L3MBTL4: variants seen among roughly 807,000 people sequenced by gnomAD.
The protein encoded by L3MBTL4 is lethal(3)malignant brain tumor-like protein 4.
L3MBTL4 carries 70 observed loss-of-function variants against 84.5 expected under a neutral mutation model. That is an observed-to-expected ratio of 0.83 (90% confidence interval 0.68 to 1.01). L3MBTL4 has a LOEUF of 1.01. L3MBTL4 is among the 50% of genes least tolerant of loss of function. The pLI is 0.00. For missense variants in L3MBTL4, 715 were observed against 754.8 expected (o/e 0.95, Z 0.62); for synonymous variants, 274 against 259.8 (o/e 1.05, Z -0.52).
intron 16 of L3MBTL4, among the ~76,000 whole-genome samples, chr18:6,072,699 A>AC (rs1568069053): frequency 6.2e-3 from 394 of 63,496 alleles, no homozygotes; most frequent in African/African-American, 0.025. Flanking sequence ...CACACACACA[A>AC]AAAAAAATTA....
chr18:5,958,935 T>C (rs1424422451), intron 18 of L3MBTL4, among the ~76,000 whole-genome samples: 1 of 152,196 alleles, frequency 6.6e-6, no homozygotes, highest in Admixed American at 6.5e-5. Context: ...AAAGCAAGCC[T>C]TGATCATCGC....
At chr18:6,274,637 T>A (rs1264817983) in intron 4 of L3MBTL4, among the ~76,000 whole-genome samples, 1 of 152,226 alleles carries the variant, frequency 6.6e-6, no homozygotes, top group Non-Finnish European at 1.5e-5. Context: ...GACTTGTTTC[T>A]CCTCTTCCCT....
chr18:6,246,760 C>T (rs919076568), intron 5 of L3MBTL4, among the ~76,000 whole-genome samples: 1 of 152,054 alleles, frequency 6.6e-6, no homozygotes, highest in Admixed American at 6.6e-5. Flanking sequence ...AAGAATTAGC[C>T]AGGTGTGATG....
intron 14 of L3MBTL4, among the ~76,000 whole-genome samples, chr18:6,134,952 C>A (rs1239221562): frequency 6.6e-6 from 1 of 152,230 alleles, no homozygotes; most frequent in Non-Finnish European, 1.5e-5. Context: ...ACTGCCCTAG[C>A]AGAGGTTCTC....
intron 16 of L3MBTL4, among the ~76,000 whole-genome samples, chr18:6,074,411 C>T (rs2057790987): frequency 6.6e-6 from 1 of 152,186 alleles, no homozygotes; most frequent in African/African-American, 2.4e-5. Flanking sequence ...GGCTACACAA[C>T]TATATACTTG....
At chr18:6,072,865 C>CAAAAAAAAAAAAAAAAAAAAAA (rs71370542) in intron 16 of L3MBTL4, among the ~76,000 whole-genome samples, 2 of 3,066 alleles carry the variant, frequency 6.5e-4, no homozygotes, top group Non-Finnish European at 3.8e-4. Flanking sequence ...GACTCCGTCT[C>CAAAAAAAAAAAAAAAAAAAAAA]AAAAAAAAAA....
Position 6,307,548 on chromosome 18 carries a change from T to G in L3MBTL4, c.72+4006A>C, listed in dbSNP as rs572833005. ...CATTCAAGGTAAATATCTTAGATAT[T>G]CTTCATCCTTCAAGGTCAGACTCAA... is the stretch of plus-strand genomic sequence containing the variant. On this transcript the variant is annotated intron_variant, in intron 3 of 18. Transcript: ENST00000317931. Among the ~76,000 whole-genome samples, 29 of 152,308 alleles carry G rather than the reference T, an allele frequency of 1.9e-4. No homozygotes were observed. The South Asian group carries it at 6.0e-3, about 32-fold the overall frequency.
At position 5,969,576 on chromosome 18, in the gene L3MBTL4, G is replaced by A. The variant is rs745638592; in HGVS notation, c.1445-14C>T. The A allele has an allele frequency of 1.3e-6, 2 of 1,578,124 alleles. No individual in the cohort carries two copies. Among genetic ancestry groups the A allele is most frequent in the Non-Finnish European group, 1.7e-6 (2 of 1,158,708 alleles). On this transcript the variant is annotated splice_polypyrimidine_tract_variant and intron_variant, in intron 16 of 18. Coordinates refer to ENST00000317931, the MANE Select transcript of L3MBTL4 (RefSeq NM_001330559.2). ...CCACCGAGTATTCTGTAAGAGAGGTGGGGTGGGGTGAGGCTCAGGCTCCCA... is the reference window on the plus strand; with the variant it reads ...CCACCGAGTATTCTGTAAGAGAGGTAGGGTGGGGTGAGGCTCAGGCTCCCA...
chr18:6,240,027 C>A (rs542359398), intron 8 of L3MBTL4, among the ~76,000 whole-genome samples, 155 bp from the exon 9 acceptor site: 6 of 152,330 alleles, frequency 3.9e-5, no homozygotes, highest in African/African-American at 1.4e-4. Flanking sequence ...GTAAAAATAT[C>A]CGGCAACTGT....
chr18:6,213,363 T>C (rs1356701974), intron 11 of L3MBTL4, 104 bp from the exon 12 acceptor site: 5 of 606,490 alleles, frequency 8.2e-6, no homozygotes, highest in Admixed American at 3.2e-5. Flanking sequence ...AATATGCAGA[T>C]CTTCAATACA....
At chr18:6,245,003 G>A (rs763305612) in intron 5 of L3MBTL4, among the ~76,000 whole-genome samples, 3 of 151,944 alleles carry the variant, frequency 2.0e-5, no homozygotes, top group South Asian at 2.1e-4. Context: ...TCCACCTCCC[G>A]GGTTCAAGTG....
chr18:6,112,320 GC>G (rs556050481), intron 14 of L3MBTL4, among the ~76,000 whole-genome samples: 62 of 152,282 alleles, frequency 4.1e-4, no homozygotes, highest in Admixed American at 3.7e-3. Flanking sequence ...ACCGAGGATC[GC>G]ATCTTTTCTC....
intron 1 of L3MBTL4, among the ~76,000 whole-genome samples, chr18:6,342,612 T>C (rs1281889383): frequency 6.6e-6 from 1 of 151,494 alleles, no homozygotes; most frequent in Admixed American, 6.6e-5. Flanking sequence ...AATCAAAACA[T>C]ACTACCACAA....
chr18:6,375,467 G>A (rs553547798), intron 1 of L3MBTL4, among the ~76,000 whole-genome samples: 5 of 152,058 alleles, frequency 3.3e-5, no homozygotes, highest in South Asian at 2.1e-4. Context: ...TCAGACCTCC[G>A]TGTAAATGTC....
intron 1 of L3MBTL4, among the ~76,000 whole-genome samples, chr18:6,336,023 T>C (rs1326290924): frequency 5.3e-5 from 8 of 152,160 alleles, no homozygotes; most frequent in African/African-American, 1.4e-4. Context: ...AAAAGAAAGG[T>C]CACAAGTAGT....
At chr18:6,269,042 A>G (rs548430929) in intron 4 of L3MBTL4, among the ~76,000 whole-genome samples, 1 of 152,368 alleles carries the variant, frequency 6.6e-6, no homozygotes, top group Admixed American at 6.5e-5. Context: ...TCTAGCACAC[A>G]CAGTCAAAAT....
intron 1 of L3MBTL4, among the ~76,000 whole-genome samples, chr18:6,312,798 ACTC>A (rs1191911867): frequency 1.3e-5 from 2 of 151,802 alleles, no homozygotes; most frequent in African/African-American, 4.8e-5. Context: ...TTCTTCCTCT[ACTC>A]CTATTAACTC....
intron 5 of L3MBTL4, among the ~76,000 whole-genome samples, chr18:6,246,769 T>C (rs1466571994): frequency 1.3e-5 from 2 of 152,076 alleles, no homozygotes; most frequent in Non-Finnish European, 2.9e-5. Context: ...CCAGGTGTGA[T>C]GGTGTGTGCC....
At chr18:6,293,823 C>G (rs1255264989) in intron 4 of L3MBTL4, among the ~76,000 whole-genome samples, 1 of 152,128 alleles carries the variant, frequency 6.6e-6, no homozygotes, top group Non-Finnish European at 1.5e-5. Context: ...AGACATTTTA[C>G]AAAATAATTG....
Sources: gnomAD v4.1 joint callset for allele counts (sites outside exome capture counted in the v4.1 genomes callset) on GRCh38, gnomAD v4.1.1 for gene constraint, MANE v1.5 for transcripts, NCBI Gene and HGNC (gene_info 2026-07-23, HGNC 2026-07-21) for gene names.